The following MSRA variants were observed in gnomAD, a reference collection of about 807,000 sequenced individuals.
The protein encoded by MSRA is mitochondrial peptide methionine sulfoxide reductase.
Under a neutral mutation model 31.3 loss-of-function variants are expected in MSRA, and 54 were observed. The ratio of observed to expected loss-of-function variants is 1.73; its 90% confidence interval spans 1.39 to 2.17. The LOEUF (loss-of-function observed/expected upper bound fraction) is 2.17, where lower values mean the gene tolerates loss of function less well. MSRA is among the 30% of genes most tolerant of loss of function. MSRA has a pLI of 0.00. For synonymous variants in MSRA, 169 were observed against 116.5 expected (o/e 1.45, Z -2.90); for missense variants, 507 against 300.9 (o/e 1.69, Z -5.07).
intron 5 of MSRA, among the ~76,000 whole-genome samples, chr8:10,346,303 C>G (rs1167738862): frequency 1.3e-5 from 2 of 152,190 alleles, no homozygotes; most frequent in African/African-American, 4.8e-5. Flanking sequence ...GTGTGGATGA[C>G]TTTGCGCTCA....
rs552327320 is a variant in MSRA at position 10,290,031 on chromosome 8, A to G, written c.332-11503A>G. 1.1e-4 allele frequency among the ~76,000 whole-genome samples: 17 copies of G among 152,344 alleles called. No homozygotes were observed. In the South Asian group the frequency reaches 2.5e-3, roughly 22 times the overall value. Reference sequence around the variant, plus strand: ...TAAGATTGATAGGACAGATATTAGTATGCCCATTTTATAGATGAGCAGCCT... The same window carrying G: ...TAAGATTGATAGGACAGATATTAGTGTGCCCATTTTATAGATGAGCAGCCT... On this transcript the variant is annotated intron_variant, in intron 3 of 5. Transcript: ENST00000317173.
chr8:10,140,698 G>T (rs1802627162), intron 1 of MSRA, among the ~76,000 whole-genome samples: 1 of 152,074 alleles, frequency 6.6e-6, no homozygotes, highest in Non-Finnish European at 1.5e-5. Flanking sequence ...AGTTACCAGT[G>T]CACAGGAAAA....
chr8:10,292,710 G>A (rs540303519), intron 3 of MSRA, among the ~76,000 whole-genome samples: 48 of 152,336 alleles, frequency 3.2e-4, no homozygotes, highest in African/African-American at 1.1e-3. Flanking sequence ...AGCAAGACTC[G>A]AGGGGACCCT....
chr8:10,362,182 G>C (rs1029097142), intron 5 of MSRA, among the ~76,000 whole-genome samples: 15 of 152,110 alleles, frequency 9.9e-5, no homozygotes, highest in Admixed American at 2.6e-4. Context: ...GCACCACTGA[G>C]TTGCAGCAGT....
intron 5 of MSRA, among the ~76,000 whole-genome samples, chr8:10,398,722 G>A (rs543237620): frequency 1.3e-5 from 2 of 152,214 alleles, no homozygotes; most frequent in Non-Finnish European, 2.9e-5. Context: ...CTGCCAGCTG[G>A]AACTGGGAGG....
rs375248176 is a variant in MSRA at position 10,080,512 on chromosome 8, C to T, written c.142+25854C>T. 2.0e-4 allele frequency among the ~76,000 whole-genome samples: 31 copies of T among 152,046 alleles called. 1 individual carries two copies. Among genetic ancestry groups the T allele is most frequent in the African/African-American group, 7.5e-4 (31 of 41,466 alleles). On this transcript the variant is annotated intron_variant, in intron 1 of 5. Transcript: ENST00000317173. ...GGACTGTCAGTTCTGTGTCAGCCTG[C>T]AGCTGTCTCTTTTTAATTTTGTTGT...
intron 1 of MSRA, chr8:10,096,208 C>T (rs1799146896): frequency 1.6e-6 from 2 of 1,253,508 alleles, no homozygotes. Context: ...GCTTTTATTT[C>T]TGCTGCTTCA....
chr8:10,068,635 C>T (rs750685167), intron 1 of MSRA, among the ~76,000 whole-genome samples: 3 of 152,178 alleles, frequency 2.0e-5, no homozygotes, highest in Admixed American at 6.5e-5. Context: ...GGGTCTATTT[C>T]TGGGCTCCTT....
chr8:10,256,876 C>T (rs1317158192), intron 3 of MSRA, among the ~76,000 whole-genome samples: 1 of 152,136 alleles, frequency 6.6e-6, no homozygotes, highest in Non-Finnish European at 1.5e-5. Flanking sequence ...CATCTCCTGC[C>T]CTCCTTCTCC....
chr8:10,407,040 G>T (rs1251150926), intron 5 of MSRA, among the ~76,000 whole-genome samples: 1 of 152,108 alleles, frequency 6.6e-6, no homozygotes, highest in African/African-American at 2.4e-5. Flanking sequence ...ACCACACTTG[G>T]CTAATTTTTT....
intron 2 of MSRA, among the ~76,000 whole-genome samples, chr8:10,231,935 G>A (rs774816953): frequency 3.3e-5 from 5 of 150,658 alleles, no homozygotes; most frequent in Non-Finnish European, 7.4e-5. Context: ...AAAAATAAAA[G>A]GGTAAACAGG....
At chr8:10,264,913 A>G (rs6997416) in intron 3 of MSRA, among the ~76,000 whole-genome samples, 74,809 of 151,848 alleles carry the variant, frequency 0.49, 19,114 homozygotes, top group East Asian at 0.85. Context: ...AGAGCCCTCT[A>G]TGCGATGAGA....
intron 1 of MSRA, among the ~76,000 whole-genome samples, chr8:10,142,650 C>G (rs1802813499): frequency 6.6e-6 from 1 of 152,276 alleles, no homozygotes; most frequent in South Asian, 2.1e-4. Context: ...TTATTTACAA[C>G]TCTGACTTCT....
chr8:10,120,124 AG>A (rs1250094621), intron 1 of MSRA, among the ~76,000 whole-genome samples: 4 of 152,194 alleles, frequency 2.6e-5, no homozygotes, highest in Non-Finnish European at 4.4e-5. Flanking sequence ...CAAGTCCAAC[AG>A]AAACCAGAGT....
intron 1 of MSRA, 53 bp from the exon 2 acceptor site, chr8:10,207,780 G>GT (rs1809123628): frequency 5.3e-6 from 8 of 1,497,256 alleles, no homozygotes; most frequent in Non-Finnish European, 7.3e-6. Context: ...ACATGTGTTA[G>GT]TATGTGTTAG....
intron 5 of MSRA, among the ~76,000 whole-genome samples, chr8:10,336,063 G>A (rs1283982842): frequency 6.6e-6 from 1 of 152,144 alleles, no homozygotes; most frequent in Non-Finnish European, 1.5e-5. Context: ...TGGGCTCTAG[G>A]AGGAAGATCG....
intron 1 of MSRA, among the ~76,000 whole-genome samples, chr8:10,067,990 A>G (rs748958882): frequency 2.8e-5 from 4 of 143,420 alleles, no homozygotes; most frequent in Admixed American, 7.7e-5. Flanking sequence ...CCCGAGTGAT[A>G]CTCATGCGTC....
At chr8:10,195,681 C>A (rs370775815) in intron 1 of MSRA, among the ~76,000 whole-genome samples, 1 of 152,186 alleles carries the variant, frequency 6.6e-6, no homozygotes, top group Non-Finnish European at 1.5e-5. Context: ...AAACTGATAT[C>A]TATGTTTATA....
intron 5 of MSRA, among the ~76,000 whole-genome samples, chr8:10,405,962 A>C (rs1049239412): frequency 6.6e-6 from 1 of 152,264 alleles, no homozygotes; most frequent in African/African-American, 2.4e-5. Context: ...GTGATGGATC[A>C]CGAGGGGCAG....
Sources: gnomAD v4.1 joint callset for allele counts (sites outside exome capture counted in the v4.1 genomes callset) on GRCh38, gnomAD v4.1.1 for gene constraint, MANE v1.5 for transcripts, NCBI Gene and HGNC (gene_info 2026-07-23, HGNC 2026-07-21) for gene names.